CATSPERT: variants seen among roughly 807,000 people sequenced by gnomAD.
CATSPERT encodes catsper channel auxiliary subunit tau.
chr2:201,600,743 A>C, the CATSPERT span, among the ~76,000 whole-genome samples: 1 of 120,300 alleles, frequency 8.3e-6, no homozygotes, highest in African/African-American at 2.9e-5. Context: ...AGCTGTATGG[A>C]ATAATGTCAT....
the CATSPERT span, among the ~76,000 whole-genome samples, chr2:201,591,148 A>C: frequency 7.9e-5 from 12 of 152,058 alleles, no homozygotes; most frequent in Admixed American, 3.3e-4. Flanking sequence ...ATCCATCTTG[A>C]ATTGATTTTT....
chr2:201,585,391 A>AT, the CATSPERT span, among the ~76,000 whole-genome samples: 1 of 146,690 alleles, frequency 6.8e-6, no homozygotes, highest in African/African-American at 2.5e-5. Context: ...TAAAAAAAAA[A>AT]TTCCCTACAG....
At chr2:201,531,981 T>C in the CATSPERT span, among the ~76,000 whole-genome samples, 5 of 152,264 alleles carry the variant, frequency 3.3e-5, no homozygotes, top group South Asian at 2.1e-4. Context: ...ACAAACCAGA[T>C]AGAGGCAAAA....
the CATSPERT span, among the ~76,000 whole-genome samples, chr2:201,502,526 C>T: frequency 9.5e-5 from 14 of 146,744 alleles, no homozygotes; most frequent in African/African-American, 2.0e-4. Flanking sequence ...GAGCCAAGAT[C>T]GTGCCACTGC....
At chr2:201,499,148 C>CAT in the CATSPERT span, among the ~76,000 whole-genome samples, 16 of 152,036 alleles carry the variant, frequency 1.1e-4, no homozygotes, top group African/African-American at 2.9e-4. Flanking sequence ...TGAAGTTTAC[C>CAT]ATATATATGA....
At chr2:201,563,660 T>A in the CATSPERT span, among the ~76,000 whole-genome samples, 1 of 152,248 alleles carries the variant, frequency 6.6e-6, no homozygotes, top group Non-Finnish European at 1.5e-5. Context: ...TATAATTTAC[T>A]TGTTTTGCTT....
the CATSPERT span, among the ~76,000 whole-genome samples, chr2:201,612,239 C>A: frequency 6.6e-6 from 1 of 152,124 alleles, no homozygotes; most frequent in Non-Finnish European, 1.5e-5. Flanking sequence ...CAGGTCAACT[C>A]TTTCTCAGGT....
chr2:201,545,672 G>A, the CATSPERT span: 4 of 905,690 alleles, frequency 4.4e-6, no homozygotes, highest in South Asian at 2.4e-5. Context: ...AATATATATG[G>A]GAAAATATTT....
the CATSPERT span, among the ~76,000 whole-genome samples, chr2:201,508,524 A>C: frequency 1.3e-5 from 2 of 152,260 alleles, no homozygotes; most frequent in East Asian, 3.8e-4. Context: ...TGTACAGTTC[A>C]ATAGTGTTAA....
the CATSPERT span, among the ~76,000 whole-genome samples, chr2:201,500,229 C>T: frequency 2.0e-5 from 3 of 151,848 alleles, no homozygotes; most frequent in Non-Finnish European, 2.9e-5. Flanking sequence ...AAACAGAGGC[C>T]GACAGTCAGG....
chr2:201,601,965 T>C, the CATSPERT span: 1 of 1,044,822 alleles, frequency 9.6e-7, no homozygotes, highest in Middle Eastern at 3.2e-4. Context: ...CATTAAACGA[T>C]TCAGACCAAA....
At chr2:201,567,271 T>G in the CATSPERT span, among the ~76,000 whole-genome samples, 11 of 152,236 alleles carry the variant, frequency 7.2e-5, no homozygotes, top group African/African-American at 2.7e-4. Context: ...CTCCAGTCAC[T>G]TCCTAATTAC....
At chr2:201,592,559 C>G in the CATSPERT span, among the ~76,000 whole-genome samples, 4 of 151,216 alleles carry the variant, frequency 2.6e-5, no homozygotes, top group African/African-American at 4.9e-5. Context: ...AGGAATGGTA[C>G]CAGTTCCTCC....
At chr2:201,561,609 C>T in the CATSPERT span, among the ~76,000 whole-genome samples, 8 of 152,110 alleles carry the variant, frequency 5.3e-5, no homozygotes, top group Non-Finnish European at 7.4e-5. Context: ...TGGTGGCTCA[C>T]GCCTGTAATC....
chr2:201,601,309 T>TGCGC, the CATSPERT span, among the ~76,000 whole-genome samples: 1 of 144,736 alleles, frequency 6.9e-6, no homozygotes, highest in Non-Finnish European at 1.5e-5. Context: ...TGTGTGTGTG[T>TGCGC]GTGTGTGGGT....
chr2:201,534,497 G>A, the CATSPERT span: 1 of 982,866 alleles, frequency 1.0e-6, no homozygotes, highest in Non-Finnish European at 1.2e-6. Context: ...TTAATATCTT[G>A]AAAATAAAAA....
chr2:201,537,162 A>C, the CATSPERT span, among the ~76,000 whole-genome samples: 1 of 151,898 alleles, frequency 6.6e-6, no homozygotes, highest in African/African-American at 2.4e-5. Context: ...TATTTCTAAG[A>C]TCTTACGTAG....
chr2:201,576,983 G>C, the CATSPERT span, among the ~76,000 whole-genome samples: 71 of 152,246 alleles, frequency 4.7e-4, no homozygotes, highest in Non-Finnish European at 9.6e-4. Context: ...CTGCTGTAAT[G>C]AGTAGGTCCA....
chr2:201,536,174 C>T, the CATSPERT span: 23 of 1,613,432 alleles, frequency 1.4e-5, no homozygotes, highest in Non-Finnish European at 1.9e-5. Flanking sequence ...TTATTGTTTC[C>T]TGGTTAGAAA....
Sources: gnomAD v4.1 joint callset for allele counts (sites outside exome capture counted in the v4.1 genomes callset) on GRCh38, gnomAD v4.1.1 for gene constraint, MANE v1.5 for transcripts, NCBI Gene and HGNC (gene_info 2026-07-23, HGNC 2026-07-21) for gene names.